Variants in SLC38A10 observed in about 807,000 individuals in gnomAD.
SLC38A10 encodes the protein solute carrier family 38 member 10, also known as Sodium-coupled neutral amino acid transporter 10.
A neutral mutation model predicts 81.0 loss-of-function variants in SLC38A10; 53 were observed. The ratio of observed to expected loss-of-function variants is 0.65; its 90% CI spans 0.53 to 0.82. SLC38A10 has a LOEUF of 0.82. Among genes scored for constraint, SLC38A10 ranks in the 40% least tolerant of loss-of-function variants. The pLI is 0.00. For missense variants in SLC38A10, 1,471 were observed against 1,545.0 expected (o/e 0.95, Z 0.80); for synonymous variants, 665 against 655.3 (o/e 1.01, Z -0.23).
rs1297576125 is a variant in SLC38A10, at chr17:81,245,944, C to A, written c.2972G>T (p.Gly991Val). 6.2e-7 allele frequency: 1 copy of A among 1,606,710 alleles called. No individual in the cohort carries two copies. Among genetic ancestry groups the A allele is most frequent in the Non-Finnish European group, 8.5e-7 (1 of 1,176,002 alleles). ...GHLEMRKARGGDHVPVSHEQP... is the reference protein window; with the variant it reads ...GHLEMRKARGVDHVPVSHEQP... Reference sequence around the variant, plus strand: ...CTCGTGGGACACAGGCACATGGTCCCCCCCGCGGGCCTTTCTCATCTCCAG... The same window carrying A: ...CTCGTGGGACACAGGCACATGGTCCACCCCGCGGGCCTTTCTCATCTCCAG... Residue 991 changes from glycine to valine, a missense_variant, in exon 16 of 16, where the codon GGG becomes GTG. Gly to Val is a moderately radical substitution (Grantham distance 109, BLOSUM62 -3). Around this residue, in one of 2 missense-constraint regions of SLC38A10, gnomAD observed 751 missense variants for 717.4 expected, o/e 1.05. Coordinates refer to ENST00000374759, the MANE Select transcript of SLC38A10 (RefSeq NM_001037984.3).
rs1390286129 is a variant in SLC38A10, at chr17:81,250,116, T to C, written c.2065+1377A>G. 3 of 1,285,658 alleles carry C rather than the reference T, an allele frequency of 2.3e-6. No homozygotes were observed. The African/African-American group carries it at 4.6e-5, about 20-fold the overall frequency. 79.6% of individuals were successfully genotyped at this position (1,285,658 alleles called of 1,614,324 possible). On this transcript the variant is annotated intron_variant, in intron 14 of 15. Transcript: ENST00000374759. ...CAGCTGCTCGTCCCGTTGAGAGGCATACGGAAGAAAGGCAGAATAGGAAAC... is the reference window on the plus strand; with the variant it reads ...CAGCTGCTCGTCCCGTTGAGAGGCACACGGAAGAAAGGCAGAATAGGAAAC...
At chr17:81,275,671 G>A (rs148755251) in intron 8 of SLC38A10, among the ~76,000 whole-genome samples, 9,579 of 139,236 alleles carry the variant, frequency 0.069, 398 homozygotes, top group Non-Finnish European at 0.094. Context: ...GGCGGAGCTT[G>A]CAGTGAGTCG....
chr17:81,259,082 G>A (rs992194853), intron 11 of SLC38A10, among the ~76,000 whole-genome samples: 9 of 152,252 alleles, frequency 5.9e-5, no homozygotes, highest in South Asian at 2.1e-4. Flanking sequence ...ACAGGAGTGC[G>A]GAGCTCAGAA....
intron 10 of SLC38A10, among the ~76,000 whole-genome samples, chr17:81,261,807 G>A (rs945388591): frequency 1.3e-5 from 2 of 152,216 alleles, no homozygotes; most frequent in South Asian, 4.1e-4. Flanking sequence ...AGCCCCTCTG[G>A]CAGTAACCAC....
At position 81,295,107 on chromosome 17, in the gene SLC38A10, G is replaced by A. The variant is rs1306133597; in HGVS notation, c.-186C>T. ...GCGCGGGCCCCAGAGGCTGCCTGGA[G>A]GAGGCAGCCTCGAAGGCCGGCTGCG... On this transcript the variant is annotated 5_prime_UTR_variant, in exon 1 of 16. Coordinates refer to ENST00000374759, the MANE Select transcript of SLC38A10 (RefSeq NM_001037984.3). The A allele has an allele frequency of 3.6e-6, 4 of 1,104,984 alleles. No individual in the cohort carries two copies. The highest frequency in any genetic ancestry group is 1.7e-5 in the African/African-American group (1 of 60,052). 68.4% of individuals were successfully genotyped at this position (1,104,984 alleles called of 1,614,324 possible).
rs886166012 is a variant in SLC38A10 at position 81,247,313 on chromosome 17, C to T, written c.2066-252G>A. On this transcript the variant is annotated intron_variant, in intron 14 of 15. Coordinates refer to ENST00000374759, the MANE Select transcript of SLC38A10 (RefSeq NM_001037984.3). ...GAAGCCCACCCGGGATGGCCTCTCC[C>T]GCACAGCCAGCCACTGTGCCGCATC... 3.3e-4 allele frequency: 123 copies of T among 378,282 alleles called. 1 individual carries two copies. Among genetic ancestry groups the T allele is most frequent in the Middle Eastern group, 1.4e-3 (2 of 1,470 alleles). The allele number at this position is 378,282 out of a possible 1,614,324, so 23.4% of individuals were successfully genotyped here.
chr17:81,256,989 G>A lies in SLC38A10; in HGVS notation c.1288+3249C>T, dbSNP rs1432051077. 7.2e-5 allele frequency among the ~76,000 whole-genome samples: 11 copies of A among 152,318 alleles called. No homozygotes were observed. The South Asian group carries it at 2.3e-3, about 32-fold the overall frequency. ...GCACCACTGCTGTCTCCTGGGAGGC[G>A]GGAGAGGCTCCCAGTTCCTTCCACA... is the stretch of plus-strand genomic sequence containing the variant. On this transcript the variant is annotated intron_variant, in intron 11 of 15. Transcript: ENST00000374759.
At chr17:81,252,097 G>A in intron 13 of SLC38A10, 98 bp downstream of exon 13, 2 of 1,449,296 alleles carry the variant, frequency 1.4e-6, no homozygotes, top group Non-Finnish European at 1.8e-6. Flanking sequence ...GAGAGAGACT[G>A]GGGACTGAGG....
chr17:81,259,609 C>T (rs2063002932), intron 11 of SLC38A10, among the ~76,000 whole-genome samples: 1 of 152,298 alleles, frequency 6.6e-6, no homozygotes, highest in African/African-American at 2.4e-5. Context: ...TGCGGCTGCA[C>T]CTGGAAAGCC....
chr17:81,259,345 G>A (rs1326502667), intron 11 of SLC38A10, among the ~76,000 whole-genome samples: 1 of 152,248 alleles, frequency 6.6e-6, no homozygotes, highest in Non-Finnish European at 1.5e-5. Context: ...CGGGGCCTCT[G>A]CAGAGGGGTG....
chr17:81,255,902 A>C (rs2062967601), intron 11 of SLC38A10, among the ~76,000 whole-genome samples: 1 of 152,132 alleles, frequency 6.6e-6, no homozygotes, highest in Non-Finnish European at 1.5e-5. Context: ...GAATTGCTTG[A>C]ACTTGGGAGG....
chr17:81,247,809 C>A (rs1202208626), intron 14 of SLC38A10, among the ~76,000 whole-genome samples: 1 of 151,886 alleles, frequency 6.6e-6, no homozygotes, highest in African/African-American at 2.4e-5. Flanking sequence ...CCACTGCACT[C>A]CAGCCTGGGC....
chr17:81,291,630 A>G (rs1232834679), intron 1 of SLC38A10, among the ~76,000 whole-genome samples: 2 of 152,168 alleles, frequency 1.3e-5, no homozygotes, highest in African/African-American at 2.4e-5. Flanking sequence ...CTGCACCCAC[A>G]TGGCAGCTCC....
rs1185937366 is a variant in SLC38A10, at chr17:81,281,068, G to T, written c.502-335C>A. On this transcript the variant is annotated intron_variant, in intron 5 of 15. Coordinates refer to ENST00000374759, the MANE Select transcript of SLC38A10 (RefSeq NM_001037984.3). The surrounding 1 kb of genome is among the most constrained non-coding windows in gnomAD (Gnocchi z 5.3). ...GCCCCAGTTTCCGTCGGTTACAGAG[G>T]CTGGTTTCCCACGTGGGCAGGTCCC... is the stretch of plus-strand genomic sequence containing the variant. Among the ~76,000 whole-genome samples the T allele has an allele frequency of 6.6e-6, 1 of 152,234 alleles. No individual in the cohort carries two copies. Among genetic ancestry groups the T allele is most frequent in the Non-Finnish European group, 1.5e-5 (1 of 68,046 alleles).
chr17:81,258,015 GTC>G (rs916224045), intron 11 of SLC38A10, among the ~76,000 whole-genome samples: 1 of 152,218 alleles, frequency 6.6e-6, no homozygotes, highest in Non-Finnish European at 1.5e-5. Flanking sequence ...CAAGGTAACT[GTC>G]TTCATGAGCC....
Position 81,246,539 on chromosome 17 carries a change from C to G in SLC38A10, c.2377G>C (p.Ala793Pro). ...CGCTGGTTAAGGTCCTGGGATGGAG[C>G]AGGGCGGCCCCCAGGAGCTCTGAGG... is the stretch of plus-strand genomic sequence containing the variant. The part of the protein sequence containing the change: ...PVLRAPGGRP[A>P]PSQDLNQRSL... Residue 793 changes from alanine (A) to proline (P), a missense_variant, in exon 16 of 16, where the codon GCT becomes CCT. Transcript: ENST00000374759. The G allele has an allele frequency of 6.6e-7, 1 of 1,518,896 alleles. No individual in the cohort carries two copies. The allele number at this position is 1,518,896 out of a possible 1,614,324, so 94.1% of individuals were successfully genotyped here.
Position 81,289,371 on chromosome 17 carries a change from A to T in SLC38A10, c.217+320T>A, listed in dbSNP as rs986737524. On this transcript the variant is annotated intron_variant, in intron 2 of 15. Coordinates refer to ENST00000374759, the MANE Select transcript of SLC38A10 (RefSeq NM_001037984.3). The surrounding 1 kb of genome is among the most constrained non-coding windows in gnomAD (Gnocchi z 5.9). ...TTTTTTTTAACTGCATTTTTTTTTA[A>T]TTTGATTTTTAATTCTTTTGAGACA... Among the ~76,000 whole-genome samples the T allele has an allele frequency of 1.1e-4, 16 of 150,646 alleles. No individual in the cohort carries two copies. The highest frequency in any genetic ancestry group is 3.4e-4 in the African/African-American group (14 of 40,900).
intron 14 of SLC38A10, chr17:81,251,287 T>A (rs772006402): frequency 6.2e-7 from 1 of 1,608,278 alleles, no homozygotes; most frequent in South Asian, 1.1e-5. Flanking sequence ...TAAAGGGGAG[T>A]AAGGCAGATA....
In SLC38A10 at chr17:81,253,042, C is replaced by T; in HGVS notation, c.1456+31G>A. Reference sequence around the variant, plus strand: ...AAAGGAGGACCCGGGGCCGCCCTTCCCCATCCGCACCCCCAGCCAGTGCCC... The same window carrying T: ...AAAGGAGGACCCGGGGCCGCCCTTCTCCATCCGCACCCCCAGCCAGTGCCC... On this transcript the variant is annotated intron_variant, in intron 12 of 15. Coordinates refer to ENST00000374759, the MANE Select transcript of SLC38A10 (RefSeq NM_001037984.3). The surrounding 1 kb of genome is among the most constrained non-coding windows in gnomAD (Gnocchi z 4.1). 1 of 1,604,248 alleles carries T rather than the reference C, an allele frequency of 6.2e-7. No individual in the cohort carries two copies. Among genetic ancestry groups the T allele is most frequent in the Non-Finnish European group, 8.5e-7 (1 of 1,176,074 alleles).
Sources: gnomAD v4.1 joint callset for allele counts (sites outside exome capture counted in the v4.1 genomes callset) on GRCh38, gnomAD v4.1.1 for gene constraint, gnomAD v4.1.1 regional missense constraint, Gnocchi (gnomAD v3.1) non-coding constraint, MANE v1.5 for transcripts, NCBI Gene and HGNC (gene_info 2026-07-23, HGNC 2026-07-21) for gene names.